The following TUB variants were observed in gnomAD, a reference collection of about 807,000 sequenced individuals.
TUB encodes TUB bipartite transcription factor, also known as tubby protein homolog.
TUB carries 33 observed loss-of-function variants against 59.7 expected under a neutral mutation model. The observed-to-expected ratio is 0.55, with a 90% CI of 0.42 to 0.74. The LOEUF (loss-of-function observed/expected upper bound fraction) is 0.74. Among genes scored for constraint, TUB ranks in the 30% least tolerant of loss-of-function variants. The pLI is 0.00. For missense variants in TUB, 659 were observed against 672.0 expected (o/e 0.98, Z 0.21); for synonymous variants, 293 against 256.4 (o/e 1.14, Z -1.36).
Position 8,102,735 on chromosome 11 carries a change from T to G in TUB, c.*1116T>G, listed in dbSNP as rs1944358559. The G allele has an allele frequency of 6.6e-6, 1 of 151,946 alleles. No individual in the cohort carries two copies. The highest frequency in any genetic ancestry group is 2.4e-5 in the African/African-American group (1 of 41,340). The allele number at this position is 151,946 out of a possible 1,614,324, so 9.4% of individuals were successfully genotyped here. On this transcript the variant is annotated 3_prime_UTR_variant, in exon 12 of 12. Transcript: ENST00000299506. ...GGGAATATTTTAGAACCACAAGAGA[T>G]CAGCAGTGGCAGGACCCTTAGGAAT...
chr11:8,041,170 TG>T (rs758347766), intron 2 of TUB, among the ~76,000 whole-genome samples: 213 of 152,348 alleles, frequency 1.4e-3, no homozygotes, highest in Admixed American at 1.9e-3. Flanking sequence ...CAGGGACTCT[TG>T]GCCATACTGG....
chr11:8,085,642 GGGGAAAGAATGAGGGCA>G (rs1407621168), intron 1 of TUB, among the ~76,000 whole-genome samples: 2 of 152,218 alleles, frequency 1.3e-5, no homozygotes, highest in African/African-American at 4.8e-5. Context: ...CTGTGACTGA[GGGGAAAGAATGAGGGCA>G]GGAAGAGGAG....
intron 11 of TUB, 23 bp from the exon 12 acceptor site, chr11:8,101,463 T>C (rs771298446): frequency 6.4e-7 from 1 of 1,557,066 alleles, no homozygotes; most frequent in Non-Finnish European, 8.6e-7. Flanking sequence ...CTTTTCTCTG[T>C]CTGTGCCTGT....
chr11:8,093,603 G>A lies in TUB; in HGVS notation c.254-443G>A, dbSNP rs12288688. Among the ~76,000 whole-genome samples the A allele has an allele frequency of 7.1e-3, 1,086 of 152,202 alleles. 11 individuals are homozygous for A. The highest frequency in any genetic ancestry group is 0.025 in the African/African-American group (1,021 of 41,546). ...CCCAGCCTCCCATGGGCTCATCCCC[G>A]CAGAGCCCCCTCGTAGGCTCCCTGG... On this transcript the variant is annotated intron_variant, in intron 3 of 11. Coordinates refer to ENST00000299506, the MANE Select transcript of TUB (RefSeq NM_177972.3).
At chr11:8,039,556 T>C (rs1942708555) in intron 1 of TUB, 2 of 1,229,218 alleles carry the variant, frequency 1.6e-6, no homozygotes, top group Non-Finnish European at 2.2e-6. Context: ...AAGGAGGCCT[T>C]GAGTGACCAG....
chr11:8,037,172 T>C (rs1942658735), upstream of TUB, among the ~76,000 whole-genome samples: 1 of 152,208 alleles, frequency 6.6e-6, no homozygotes, highest in Non-Finnish European at 1.5e-5. Context: ...GCATGCAGGA[T>C]GTCTGTGCGT....
chr11:8,022,274 T>C (rs1942440310), intron 1 of TUB, among the ~76,000 whole-genome samples: 1 of 152,202 alleles, frequency 6.6e-6, no homozygotes, highest in Admixed American at 6.5e-5. Flanking sequence ...AATCAAGCTG[T>C]TAAAACCATT....
At position 8,066,399 on chromosome 11, in the gene TUB, G is replaced by T. The variant is rs2133786684; in HGVS notation, c.204-23211G>T. Among the ~76,000 whole-genome samples, 2 of 152,320 alleles carry T rather than the reference G, an allele frequency of 1.3e-5. 1 individual carries two copies. The highest frequency in any genetic ancestry group is 4.1e-4 in the South Asian group (2 of 4,824). On this transcript the variant is annotated intron_variant, in intron 2 of 12. Coordinates refer to the TUB transcript ENST00000305253. ...AAAGCAACTCCGTGCAGTCCAGAGG[G>T]AGCTGGCTCTGGGTTCAGCCCCTGT...
Position 8,096,806 on chromosome 11 carries a change from G to A in TUB, c.687G>A (p.Arg229=). 1 of 1,614,142 alleles carries A rather than the reference G, an allele frequency of 6.2e-7. No individual in the cohort carries two copies. Among genetic ancestry groups the A allele is most frequent in the African/African-American group, 1.3e-5 (1 of 75,042 alleles). Residue 229 remains arginine (R), a splice_region_variant and synonymous_variant, in exon 6 of 12, where the codon AGG becomes AGA. Transcript: ENST00000299506. ...PSSATSRKSV[R]EAASAPSPTA... is the part of the protein sequence containing the mutation. The stretch of plus-strand genomic sequence containing the variant: ...CTGCTACTAGCAGGAAGTCCGTCAG[G>A]GTGAGTGAGTGAGTCTGCATCCACA...
chr11:8,023,000 C>G (rs1423315041), intron 1 of TUB, among the ~76,000 whole-genome samples: 12 of 152,222 alleles, frequency 7.9e-5, no homozygotes. Flanking sequence ...GCAATTTGGG[C>G]TGGGCTTAGC....
In TUB at chr11:8,103,084, C is replaced by T. The variant is rs1944373987; in HGVS notation, c.*1465C>T. 1 of 152,210 alleles carries T rather than the reference C, an allele frequency of 6.6e-6. No individual in the cohort carries two copies. The highest frequency in any genetic ancestry group is 6.5e-5 in the Admixed American group (1 of 15,274). 9.4% of individuals were successfully genotyped at this position (152,210 alleles called of 1,614,324 possible). ...ATCCAGGATTGGCCTGTGTCTGGCCCCTCCGCGAGGGCTACTCAGCAGTAA... is the reference window on the plus strand; with the variant it reads ...ATCCAGGATTGGCCTGTGTCTGGCCTCTCCGCGAGGGCTACTCAGCAGTAA... On this transcript the variant is annotated 3_prime_UTR_variant, in exon 12 of 12. Transcript: ENST00000299506.
chr11:8,045,575 G>A (rs1205850384), intron 2 of TUB, among the ~76,000 whole-genome samples: 1 of 152,174 alleles, frequency 6.6e-6, no homozygotes, highest in East Asian at 1.9e-4. Flanking sequence ...GAAACTTTTT[G>A]AGAGCCAAAT....
At chr11:8,032,532 T>G (rs745711016) in intron 1 of TUB, among the ~76,000 whole-genome samples, 1 of 152,220 alleles carries the variant, frequency 6.6e-6, no homozygotes, top group Non-Finnish European at 1.5e-5. Context: ...ATGGCTGCTT[T>G]CACACTACAA....
chr11:8,065,324 A>G (rs934904651), intron 2 of TUB, among the ~76,000 whole-genome samples: 2 of 152,114 alleles, frequency 1.3e-5, no homozygotes, highest in South Asian at 2.1e-4. Flanking sequence ...GTGGTGCTGG[A>G]GCGGGTGGTA....
At chr11:8,061,786 A>G (rs1943133193) in intron 2 of TUB, among the ~76,000 whole-genome samples, 1 of 152,112 alleles carries the variant, frequency 6.6e-6, no homozygotes, top group Non-Finnish European at 1.5e-5. Flanking sequence ...GCTTGGAGAC[A>G]GTGCTTTTGG....
intron 1 of TUB, among the ~76,000 whole-genome samples, chr11:8,027,971 G>A (rs72847493): frequency 0.075 from 11,416 of 152,274 alleles, 570 homozygotes; most frequent in Middle Eastern, 0.13. Context: ...TAGAATTGCT[G>A]TTTGGTAATG....
upstream of TUB, among the ~76,000 whole-genome samples, chr11:8,080,376 G>T (rs1276969425): frequency 1.3e-5 from 2 of 152,006 alleles, no homozygotes; most frequent in Non-Finnish European, 2.9e-5. Context: ...TTCTCAGTGT[G>T]CCATGCCTTG....
chr11:8,095,563 A>G lies in TUB; in HGVS notation c.463A>G (p.Thr155Ala). ...SEAQGPVQIL[T>A]VGQSDHAQDA... ...GGCCCAAGGCCCAGTGCAGATTCTG[A>G]CTGTGGGCCAGTCAGACCACGCCCA... Residue 155 changes from threonine (T) to alanine (A), a missense_variant, in exon 5 of 12, where the codon ACT (threonine) becomes GCT (alanine). By Grantham distance (58) the Thr-to-Ala change is moderately conservative. Around this residue, in one of 3 missense-constraint regions of TUB, gnomAD observed 321 missense variants for 304.3 expected, o/e 1.05. Coordinates refer to ENST00000299506, the MANE Select transcript of TUB (RefSeq NM_177972.3). 6.2e-7 allele frequency: 1 copy of G among 1,613,274 alleles called. No individual in the cohort carries two copies. The highest frequency in any genetic ancestry group is 8.5e-7 in the Non-Finnish European group (1 of 1,180,000).
intron 2 of TUB, among the ~76,000 whole-genome samples, chr11:8,056,214 A>G (rs1284059717): frequency 6.6e-6 from 1 of 152,010 alleles, no homozygotes; most frequent in Non-Finnish European, 1.5e-5. Context: ...GAGGAAGTGC[A>G]CCCTAGCTTT....
Sources: gnomAD v4.1 joint callset for allele counts (sites outside exome capture counted in the v4.1 genomes callset) on GRCh38, gnomAD v4.1.1 for gene constraint, gnomAD v4.1.1 regional missense constraint, MANE v1.5 for transcripts, NCBI Gene and HGNC (gene_info 2026-07-23, HGNC 2026-07-21) for gene names.